TGM5: variants seen among roughly 807,000 people sequenced by gnomAD.
TGM5 encodes the protein protein-glutamine gamma-glutamyltransferase 5.
A neutral mutation model predicts 77.2 loss-of-function variants in TGM5; 69 were observed. The observed-to-expected ratio is 0.89, with a 90% CI of 0.74 to 1.09. The LOEUF (loss-of-function observed/expected upper bound fraction) is 1.09, where lower values mean the gene tolerates loss of function less well. Among genes scored for constraint, TGM5 ranks in the 50% least tolerant of loss-of-function variants. The probability of loss-of-function intolerance (pLI) is 0.00; values close to 1 mark genes in which losing one functional copy is unlikely to be tolerated. For synonymous variants in TGM5, 346 were observed against 351.8 expected, an observed-to-expected ratio of 0.98 and a Z score of 0.18; for missense variants, 842 against 896.5, an observed-to-expected ratio of 0.94 and a Z score of 0.78.
intron 6 of TGM5, among the ~76,000 whole-genome samples, chr15:43,243,531 T>G (rs538457291): frequency 6.6e-6 from 1 of 152,334 alleles, no homozygotes; most frequent in East Asian, 1.9e-4. Context: ...GGGGCAAGAA[T>G]GGTTTCTTAC....
chr15:43,259,452 T>TAAA (rs879743936), intron 3 of TGM5, among the ~76,000 whole-genome samples: 1 of 138,190 alleles, frequency 7.2e-6, no homozygotes, highest in Non-Finnish European at 1.6e-5. Context: ...ATTGTTAAAT[T>TAAA]AAAAAAAAAA....
In TGM5 at chr15:43,234,866, A is replaced by G; in HGVS notation, c.1778T>C (p.Leu593Pro). ...TTCACCCAGGGCACTGATGCGGATC[A>G]GCTTGTCTGTTGACAGGTACTGGCT... ...QYSQYLSTDKLIRISALGEEK... is the reference protein window; with the variant it reads ...QYSQYLSTDKPIRISALGEEK... The change falls in exon 11 of 13, where the codon CTG (leucine) becomes CCG (proline). Residue 593 changes from leucine (L) to proline (P), a missense_variant. Transcript: ENST00000220420. The G allele has an allele frequency of 1.2e-6, 2 of 1,614,234 alleles. No homozygotes were observed. The highest frequency in any genetic ancestry group is 8.5e-7 in the Non-Finnish European group (1 of 1,180,028).
chr15:43,240,751 G>C, intron 7 of TGM5, 101 bp downstream of exon 7: 2 of 1,515,296 alleles, frequency 1.3e-6, no homozygotes, highest in East Asian at 2.3e-5. Flanking sequence ...GGAGGTGAAG[G>C]GGAGGGACCA....
At chr15:43,260,345 C>G (rs1391328877) in intron 2 of TGM5, 48 bp from the exon 3 acceptor site, 1 of 1,614,160 alleles carries the variant, frequency 6.2e-7, no homozygotes, top group African/African-American at 1.3e-5. Context: ...CTCCAAACCC[C>G]CGAAAATCCC....
At chr15:43,233,716 T>C (rs763955688) in intron 11 of TGM5, 29 bp from the exon 12 acceptor site, 8 of 1,612,964 alleles carry the variant, frequency 5.0e-6, no homozygotes, top group Non-Finnish European at 6.8e-6. Flanking sequence ...GAAGGAGAAT[T>C]AGTTCTCATT....
In TGM5 at chr15:43,240,984, C is replaced by T. The variant is rs746532341; in HGVS notation, c.869G>A (p.Arg290Lys). Residue 290 changes from arginine to lysine, a missense_variant, in exon 7 of 13, where the codon AGG becomes AAG. This residue lies in a region of TGM5 where 815 missense variants were observed against 844.6 expected (regional missense o/e 0.96). Transcript: ENST00000220420. ...CACACGGGTAGGGATCCCCAGACACCTCATCACTGCAAAAAGGGCACAAAA... is the reference window on the plus strand; with the variant it reads ...CACACGGGTAGGGATCCCCAGACACTTCATCACTGCAAAAAGGGCACAAAA... Reference protein sequence around the residue: ...VFAAVMCTVMRCLGIPTRVIT... With the variant: ...VFAAVMCTVMKCLGIPTRVIT... 1 of 1,614,130 alleles carries T rather than the reference C, an allele frequency of 6.2e-7. No homozygotes were observed. The highest frequency in any genetic ancestry group is 8.5e-7 in the Non-Finnish European group (1 of 1,180,026).
Position 43,253,539 on chromosome 15 carries a change from G to T in TGM5, c.651C>A (p.Ser217Arg), listed in dbSNP as rs776290043. 1.2e-6 allele frequency: 2 copies of T among 1,613,434 alleles called. No individual in the cohort carries two copies. Among genetic ancestry groups the T allele is most frequent in the Non-Finnish European group, 1.7e-6 (2 of 1,180,030 alleles). Residue 217 changes from serine to arginine, a missense_variant, in exon 5 of 13, where the codon AGC becomes AGA. Ser to Arg is a moderately radical substitution (Grantham distance 110). Transcript: ENST00000220420. ...ACACCACTCTGCTGACGTAGACGGG[G>T]CTTCCCCGCAGAGCACAGTCTGTGG... is the stretch of plus-strand genomic sequence containing the variant. Reference protein sequence around the residue: ...DPATDCALRGSPVYVSRVVCA... With the variant: ...DPATDCALRGRPVYVSRVVCA...
intron 10 of TGM5, 152 bp downstream of exon 10, chr15:43,235,317 G>T: frequency 1.0e-6 from 1 of 971,066 alleles, no homozygotes; most frequent in Non-Finnish European, 1.6e-6. Context: ...AAGGAAGGGG[G>T]AAGGAGAAGA....
intron 4 of TGM5, among the ~76,000 whole-genome samples, chr15:43,255,934 T>G (rs1289948696): frequency 6.6e-6 from 1 of 152,246 alleles, no homozygotes; most frequent in Non-Finnish European, 1.5e-5. Context: ...TACACCAAGC[T>G]GGTGATGGTG....
intron 6 of TGM5, among the ~76,000 whole-genome samples, chr15:43,248,550 A>G (rs1342309847): frequency 6.6e-6 from 1 of 152,224 alleles, no homozygotes; most frequent in African/African-American, 2.4e-5. Context: ...GACTAATTAT[A>G]ATAGCTAACA....
At chr15:43,250,403 C>T (rs368464950) in intron 6 of TGM5, among the ~76,000 whole-genome samples, 39 of 152,284 alleles carry the variant, frequency 2.6e-4, no homozygotes, top group Middle Eastern at 3.4e-3. Flanking sequence ...AAATGACTTG[C>T]CCAAGGTTAC....
At chr15:43,258,333 C>G (rs1406215834) in intron 3 of TGM5, among the ~76,000 whole-genome samples, 1 of 152,098 alleles carries the variant, frequency 6.6e-6, no homozygotes, top group Admixed American at 6.5e-5. Context: ...AACCAAACCT[C>G]TGTGGTGTGC....
Position 43,259,313 on chromosome 15 carries a change from A to G in TGM5, c.436+739T>C, listed in dbSNP as rs560533138. ...GTTACTTTGTCTATAGAAGAAGAAGAAAAAAAAAAACCGGAAACAGCTAAA... is the reference window on the plus strand; with the variant it reads ...GTTACTTTGTCTATAGAAGAAGAAGGAAAAAAAAAACCGGAAACAGCTAAA... On this transcript the variant is annotated intron_variant, in intron 3 of 12. Coordinates refer to ENST00000220420, the MANE Select transcript of TGM5 (RefSeq NM_201631.4). Among the ~76,000 whole-genome samples, 7 of 147,378 alleles carry G rather than the reference A, an allele frequency of 4.7e-5. No individual in the cohort carries two copies. In the East Asian group the frequency reaches 5.9e-4, roughly 13 times the overall value.
rs373203124 is a variant in TGM5, at chr15:43,233,139, G to A, written c.*52C>T. The A allele has an allele frequency of 1.9e-5, 31 of 1,609,620 alleles. No homozygotes were observed. In the East Asian group the frequency reaches 2.5e-4, roughly 13 times the overall value. ...AATGGCGCAGCTTGCATTTGAACTTGCTCCTTTTCCTGAAGCTTGAAATTC... is the reference window on the plus strand; with the variant it reads ...AATGGCGCAGCTTGCATTTGAACTTACTCCTTTTCCTGAAGCTTGAAATTC... On this transcript the variant is annotated 3_prime_UTR_variant, in exon 13 of 13. Coordinates refer to ENST00000220420, the MANE Select transcript of TGM5 (RefSeq NM_201631.4).
At position 43,234,075 on chromosome 15, in the gene TGM5, C is replaced by T. The variant is rs543590816; in HGVS notation, c.1876-388G>A. On this transcript the variant is annotated intron_variant, in intron 11 of 12. Coordinates refer to ENST00000220420, the MANE Select transcript of TGM5 (RefSeq NM_201631.4). ...ATTTGCCTTCCCAAAATTTGCCACC[C>T]CTTGAGACTCAAGGTCCTTTCCTTT... Among the ~76,000 whole-genome samples the T allele has an allele frequency of 6.6e-5, 10 of 152,288 alleles. No individual in the cohort carries two copies. The South Asian group carries it at 2.1e-3, about 32-fold the overall frequency.
intron 1 of TGM5, among the ~76,000 whole-genome samples, chr15:43,261,088 T>TG (rs1566837509): frequency 3.9e-4 from 45 of 116,802 alleles, no homozygotes; most frequent in African/African-American, 1.2e-3. Flanking sequence ...TTTTTTTTTT[T>TG]TTTTTTTTTT....
chr15:43,256,608 C>A lies in TGM5; in HGVS notation c.515G>T (p.Ser172Ile). The change falls in exon 4 of 13, where the codon AGC becomes ATC. Residue 172 changes from serine (S) to isoleucine (I), a missense_variant. Ser to Ile is a moderately radical substitution (Grantham distance 142). This residue lies in a region of TGM5 where 815 missense variants were observed against 844.6 expected (regional missense o/e 0.96). Coordinates refer to ENST00000220420, the MANE Select transcript of TGM5 (RefSeq NM_201631.4). ...MNDYGFIYQG[S>I]KNWIRPCPWN... ...GGGACATGGGCGGATCCAGTTCTTG[C>A]TGCCTTGGTAGATGAAGCCATAATC... 6.2e-7 allele frequency: 1 copy of A among 1,614,174 alleles called. No individual in the cohort carries two copies. The highest frequency in any genetic ancestry group is 8.5e-7 in the Non-Finnish European group (1 of 1,180,022).
rs12902267 is a variant in TGM5 at position 43,248,423 on chromosome 15, C to T, written c.862+4336G>A. Among the ~76,000 whole-genome samples the T allele has an allele frequency of 7.8e-3, 1,194 of 152,274 alleles. 11 individuals carry two copies. The highest frequency in any genetic ancestry group is 0.012 in the Non-Finnish European group (791 of 68,022). On this transcript the variant is annotated intron_variant, in intron 6 of 12. Coordinates refer to ENST00000220420, the MANE Select transcript of TGM5 (RefSeq NM_201631.4). Reference sequence around the variant, plus strand: ...TCCTGACCTGGTGATTCCCCTGCCTCGGCCTCCCAAAGTGCTGGGATTACA... The same window carrying T: ...TCCTGACCTGGTGATTCCCCTGCCTTGGCCTCCCAAAGTGCTGGGATTACA...
Position 43,235,774 on chromosome 15 carries a change from T to A in TGM5, c.1409A>T (p.His470Leu). 1 of 1,614,208 alleles carries A rather than the reference T, an allele frequency of 6.2e-7. No homozygotes were observed. The highest frequency in any genetic ancestry group is 1.3e-5 in the African/African-American group (1 of 75,060). ...CAACTCTGCTCCTCTTTGGGAGCCA[T>A]GGAAGCTTCTAGCCTTCAGCTTCTG... Reference protein sequence around the residue: ...ALQKLKARSFHGSQRGAELQP... With the variant: ...ALQKLKARSFLGSQRGAELQP... Residue 470 changes from histidine to leucine, a missense_variant, in exon 10 of 13, where the codon CAT (histidine) becomes CTT (leucine). Physicochemically the swap from His to Leu is moderately conservative, Grantham distance 99 (BLOSUM62 -3). This residue lies in a region of TGM5 where 815 missense variants were observed against 844.6 expected (regional missense o/e 0.96). Transcript: ENST00000220420.
Sources: allele counts gnomAD v4.1 joint callset (sites outside exome capture counted in the v4.1 genomes callset), GRCh38; gene constraint gnomAD v4.1.1; regional missense constraint gnomAD v4.1.1; transcripts MANE v1.5; gene names NCBI Gene and HGNC (gene_info 2026-07-23, HGNC 2026-07-21).